NR1H4: variants seen among roughly 807,000 people sequenced by gnomAD.
The protein encoded by NR1H4 is bile acid receptor.
Under a neutral mutation model 58.5 loss-of-function variants are expected in NR1H4, and 23 were observed. That is an observed-to-expected ratio of 0.39 (90% CI 0.28 to 0.56). The LOEUF (loss-of-function observed/expected upper bound fraction) is 0.56. Among genes scored for constraint, NR1H4 ranks in the 20% least tolerant of loss-of-function variants. NR1H4 has a pLI of 0.58. For synonymous variants in NR1H4, 214 were observed against 198.0 expected (o/e 1.08, Z -0.68); for missense variants, 487 against 576.9 (o/e 0.84, Z 1.60).
chr12:100,475,315 T>C (rs1953245410), intron 1 of NR1H4, among the ~76,000 whole-genome samples: 1 of 152,174 alleles, frequency 6.6e-6, no homozygotes, highest in South Asian at 2.1e-4. Flanking sequence ...TATGGATCTG[T>C]GCCATTTGTA....
At chr12:100,543,852 TTC>T (rs951118269) in intron 9 of NR1H4, among the ~76,000 whole-genome samples, 1 of 152,092 alleles carries the variant, frequency 6.6e-6, no homozygotes, top group Non-Finnish European at 1.5e-5. Flanking sequence ...ACACTGGTGG[TTC>T]TCTCTTTATG....
rs367599833 is a variant in NR1H4 at position 100,549,350 on chromosome 12, A to G, written c.1078+8532A>G. Among the ~76,000 whole-genome samples the G allele has an allele frequency of 4.6e-5, 7 of 152,094 alleles. No individual in the cohort carries two copies. In the East Asian group the frequency reaches 5.8e-4, roughly 13 times the overall value. ...GAGACTCCATCTCAAAAACAAGCAA[A>G]CAAACAAAAACACATTCCAGCAAGT... On this transcript the variant is annotated intron_variant, in intron 9 of 10. Coordinates refer to ENST00000392986, the MANE Select transcript of NR1H4 (RefSeq NM_001206979.2).
rs1274856222 is a variant in NR1H4, at chr12:100,547,651, CCTCT to C, written c.1078+6836_1078+6839del. On this transcript the variant is annotated intron_variant, in intron 9 of 10. Coordinates refer to ENST00000392986, the MANE Select transcript of NR1H4 (RefSeq NM_001206979.2). ...TTCTGGCTGCCACATATTGCTGGAG[CCTCT>C]CTGTCACAAATCAGCTACCTCCAAC... Among the ~76,000 whole-genome samples the C allele has an allele frequency of 5.3e-5, 8 of 152,180 alleles. No individual in the cohort carries two copies. In the East Asian group the frequency reaches 1.5e-3, roughly 29 times the overall value.
chr12:100,537,155 T>G, intron 8 of NR1H4, 108 bp downstream of exon 8: 2 of 732,884 alleles, frequency 2.7e-6, no homozygotes, highest in South Asian at 3.4e-5. Flanking sequence ...AACATTCCTG[T>G]GAGATCAGCT....
intron 9 of NR1H4, among the ~76,000 whole-genome samples, chr12:100,544,798 C>A (rs1955020985): frequency 6.6e-6 from 1 of 152,084 alleles, no homozygotes; most frequent in Non-Finnish European, 1.5e-5. Context: ...CCAAAGCTAA[C>A]AAGTAACCAA....
intron 9 of NR1H4, among the ~76,000 whole-genome samples, chr12:100,545,173 G>T (rs1310603687): frequency 6.6e-6 from 1 of 152,086 alleles, no homozygotes; most frequent in Non-Finnish European, 1.5e-5. Flanking sequence ...CCTGGGTCCT[G>T]AGCCAAGTCA....
intron 9 of NR1H4, among the ~76,000 whole-genome samples, chr12:100,544,498 A>T (rs1299818436): frequency 6.6e-6 from 1 of 152,096 alleles, no homozygotes; most frequent in Non-Finnish European, 1.5e-5. Flanking sequence ...AAGCTGTTGA[A>T]ATAGACTTCA....
chr12:100,559,651 C>A (rs1041854602), intron 9 of NR1H4, among the ~76,000 whole-genome samples: 3 of 152,244 alleles, frequency 2.0e-5, no homozygotes, highest in African/African-American at 7.2e-5. Flanking sequence ...GCCCGCCATG[C>A]CTGAGCCTCC....
intron 9 of NR1H4, among the ~76,000 whole-genome samples, chr12:100,553,550 A>G (rs1253818089): frequency 6.6e-6 from 1 of 152,194 alleles, no homozygotes. Flanking sequence ...AGTGTATCCC[A>G]CTTGTTAGGG....
At chr12:100,500,156 T>C in intron 3 of NR1H4, 1 of 333,562 alleles carries the variant, frequency 3.0e-6, no homozygotes, top group Non-Finnish European at 5.9e-6. Flanking sequence ...CAAAATCCAA[T>C]GTTTAAGTCT....
At chr12:100,516,291 A>T (rs962096771) in intron 4 of NR1H4, among the ~76,000 whole-genome samples, 1 of 152,200 alleles carries the variant, frequency 6.6e-6, no homozygotes, top group African/African-American at 2.4e-5. Flanking sequence ...CGCATAATTT[A>T]TTCGGAAAAT....
chr12:100,545,571 G>A (rs1955041041), intron 9 of NR1H4, among the ~76,000 whole-genome samples: 1 of 149,248 alleles, frequency 6.7e-6, no homozygotes, highest in Admixed American at 6.8e-5. Flanking sequence ...GAGCCCAGGA[G>A]GTGGAGGTTG....
At chr12:100,495,980 C>G (rs1312175957) in intron 3 of NR1H4, among the ~76,000 whole-genome samples, 4 of 152,072 alleles carry the variant, frequency 2.6e-5, no homozygotes. Flanking sequence ...AAGGGTTAAT[C>G]CATGGGTTCA....
intron 9 of NR1H4, among the ~76,000 whole-genome samples, chr12:100,545,897 A>G (rs1955058698): frequency 6.6e-6 from 1 of 152,130 alleles, no homozygotes; most frequent in South Asian, 2.1e-4. Context: ...AGGAGACTGT[A>G]CACTACTATG....
chr12:100,511,552 A>T (rs1156951358), intron 4 of NR1H4, among the ~76,000 whole-genome samples: 2 of 152,242 alleles, frequency 1.3e-5, no homozygotes, highest in Non-Finnish European at 2.9e-5. Flanking sequence ...ATAAATATTT[A>T]AAAATATTTT....
chr12:100,540,132 T>TC (rs1035036157), intron 8 of NR1H4, among the ~76,000 whole-genome samples: 71 of 152,294 alleles, frequency 4.7e-4, no homozygotes, highest in African/African-American at 1.7e-3. Flanking sequence ...GGTTGGCAAT[T>TC]CTTACCATAT....
chr12:100,538,539 A>G (rs1021781433), intron 8 of NR1H4, among the ~76,000 whole-genome samples: 2 of 152,164 alleles, frequency 1.3e-5, no homozygotes, highest in African/African-American at 4.8e-5. Flanking sequence ...CCAGCCTCAA[A>G]TTCTTTTTGC....
rs377076804 is a variant in NR1H4, at chr12:100,483,070, C to T, written c.-190+9011C>T. Among the ~76,000 whole-genome samples, 77 of 152,200 alleles carry T rather than the reference C, an allele frequency of 5.1e-4. 1 individual carries two copies. In the South Asian group the frequency reaches 0.013, roughly 25 times the overall value. On this transcript the variant is annotated intron_variant, in intron 1 of 10. Transcript: ENST00000392986. ...CCTCCCAAGTAGCTGGGACTACAGG[C>T]GTGTGCCACCGTGCCCAGCTAATTT...
At chr12:100,541,585 G>A (rs572569245) in intron 9 of NR1H4, among the ~76,000 whole-genome samples, 12 of 149,922 alleles carry the variant, frequency 8.0e-5, no homozygotes, top group Non-Finnish European at 1.8e-4. Context: ...CCTGACTAAA[G>A]TTAACTTTTT....
Sources: allele counts gnomAD v4.1 joint callset (sites outside exome capture counted in the v4.1 genomes callset), GRCh38; gene constraint gnomAD v4.1.1; transcripts MANE v1.5; gene names NCBI Gene and HGNC (gene_info 2026-07-23, HGNC 2026-07-21).